Variants in HERC2 observed in about 807,000 individuals in gnomAD.
HERC2 encodes E3 ubiquitin-protein ligase HERC2.
HERC2 carries 102 observed loss-of-function variants against 537.7 expected under a neutral mutation model. That is an observed-to-expected ratio of 0.19 (90% CI 0.16 to 0.22). HERC2 has a LOEUF of 0.22. HERC2 is among the 10% of genes least tolerant of loss of function. The probability of loss-of-function intolerance (pLI) is 1.00; values close to 1 mark genes in which losing one functional copy is unlikely to be tolerated. For synonymous variants in HERC2, 2,224 were observed against 2,466.2 expected (o/e 0.90, Z 2.91); for missense variants, 4,236 against 6,198.2 (o/e 0.68, Z 10.63).
chr15:28,292,230 C>CAAAAAAAAAAAAAAAAAAAAA, intron 4 of HERC2, among the ~76,000 whole-genome samples: 1 of 67,478 alleles, frequency 1.5e-5, no homozygotes, highest in Non-Finnish European at 2.7e-5. Flanking sequence ...ACTCCATCTC[C>CAAAAAAAAAAAAAAAAAAAAA]AAAAAAAAAA....
chr15:28,218,679 A>C lies in HERC2; in HGVS notation c.5846-8T>G. ...TTTCAGTTTGTTCGGCTTCTAAAAAAAATAATCAAAATTACAAATTATATT... is the reference window on the plus strand; with the variant it reads ...TTTCAGTTTGTTCGGCTTCTAAAAACAATAATCAAAATTACAAATTATATT... On this transcript the variant is annotated splice_region_variant and splice_polypyrimidine_tract_variant and intron_variant, in intron 37 of 92. Transcript: ENST00000261609. 1.3e-6 allele frequency: 2 copies of C among 1,567,576 alleles called. No individual in the cohort carries two copies. Among genetic ancestry groups the C allele is most frequent in the Non-Finnish European group, 1.7e-6 (2 of 1,151,734 alleles).
chr15:28,305,996 T>C (rs1596451956), intron 2 of HERC2, among the ~76,000 whole-genome samples: 1 of 152,234 alleles, frequency 6.6e-6, no homozygotes, highest in East Asian at 1.9e-4. Flanking sequence ...TCACACCAGT[T>C]AGAATGGCAA....
At chr15:28,167,852 G>A in intron 67 of HERC2, 25 bp from the exon 68 acceptor site, 1 of 1,581,420 alleles carries the variant, frequency 6.3e-7, no homozygotes, top group South Asian at 1.2e-5. Context: ...CACAGTAGGG[G>A]AAGTTTAAGT....
Position 28,265,359 on chromosome 15 carries a change from A to G in HERC2, c.1870+259T>C, listed in dbSNP as rs1391737411. 1.3e-5 allele frequency among the ~76,000 whole-genome samples: 2 copies of G among 152,168 alleles called. No homozygotes were observed. The highest frequency in any genetic ancestry group is 4.8e-5 in the African/African-American group (2 of 41,448). ...TAACCAGAGACAATTCAGAGTGTCA[A>G]TCATCCCATTTCAACTCTCATTCTT... On this transcript the variant is annotated intron_variant, in intron 14 of 92. Coordinates refer to ENST00000261609, the MANE Select transcript of HERC2 (RefSeq NM_004667.6). The surrounding 1 kb of genome is among the most constrained non-coding windows in gnomAD (Gnocchi z 4.0).
At chr15:28,135,374 G>A in intron 79 of HERC2, 104 bp downstream of exon 79, 1 of 854,442 alleles carries the variant, frequency 1.2e-6, no homozygotes, top group South Asian at 1.6e-5. Flanking sequence ...TGAGAGTATT[G>A]TAAATGTTGC....
At chr15:28,290,830 T>A (rs1445375818) in intron 4 of HERC2, among the ~76,000 whole-genome samples, 1 of 152,214 alleles carries the variant, frequency 6.6e-6, no homozygotes, top group African/African-American at 2.4e-5. Context: ...GAGGGAAATT[T>A]ATATTATAGT....
intron 7 of HERC2, chr15:28,273,225 CTATAT>C (rs2075787035): frequency 1.7e-6 from 1 of 591,256 alleles, no homozygotes; most frequent in Non-Finnish European, 3.0e-6. Flanking sequence ...CACTCAGATA[CTATAT>C]TACAGTAGAT....
intron 75 of HERC2, 76 bp from the exon 76 acceptor site, chr15:28,142,469 C>A (rs1400967811): frequency 7.0e-7 from 1 of 1,423,576 alleles, no homozygotes; most frequent in Admixed American, 2.2e-5. Context: ...GTGGCTCCTT[C>A]CGCAGGACCT....
Position 28,268,393 on chromosome 15 carries a change from G to C in HERC2, c.1598+72C>G, listed in dbSNP as rs2075628229. The stretch of plus-strand genomic sequence containing the variant: ...TTGGAAAACACCTGGACACACTTCT[G>C]CGCTCCATCCTGTTTAGGATATGGC... On this transcript the variant is annotated intron_variant, in intron 12 of 92. Transcript: ENST00000261609. The surrounding 1 kb of genome is among the most constrained non-coding windows in gnomAD (Gnocchi z 4.7). 3 of 1,434,330 alleles carry C rather than the reference G, an allele frequency of 2.1e-6. No homozygotes were observed. The Admixed American group carries it at 5.5e-5, about 26-fold the overall frequency. The allele number at this position is 1,434,330 out of a possible 1,614,324, so 88.9% of individuals were successfully genotyped here. A position where few individuals can be genotyped will look rare whatever the true frequency, so the allele number is the denominator to read the frequency against.
chr15:28,206,615 C>T lies in HERC2; in HGVS notation c.7070-233G>A, dbSNP rs1289476582. Among the ~76,000 whole-genome samples the T allele has an allele frequency of 2.0e-3, 303 of 151,676 alleles. 3 individuals carry two copies. The highest frequency in any genetic ancestry group is 7.0e-3 in the African/African-American group (287 of 41,114). On this transcript the variant is annotated intron_variant, in intron 44 of 92. Transcript: ENST00000261609. Reference sequence around the variant, plus strand: ...TCGGGAGGCCAAGGCGGGTGGATCACAAGGTCAGGATATCAAGACCATCCT... The same window carrying T: ...TCGGGAGGCCAAGGCGGGTGGATCATAAGGTCAGGATATCAAGACCATCCT...
At chr15:28,125,969 G>A (rs1316782625) in intron 83 of HERC2, among the ~76,000 whole-genome samples, 1 of 152,164 alleles carries the variant, frequency 6.6e-6, no homozygotes, top group Non-Finnish European at 1.5e-5. Context: ...GCACCACCAT[G>A]CCCAGCTAAT....
chr15:28,273,873 A>C (rs1039046973), intron 7 of HERC2, among the ~76,000 whole-genome samples: 10 of 152,190 alleles, frequency 6.6e-5, no homozygotes, highest in African/African-American at 1.7e-4. Flanking sequence ...TTTTACACTA[A>C]AAAGATCAGC....
intron 78 of HERC2, among the ~76,000 whole-genome samples, chr15:28,135,933 T>A (rs539585828): frequency 6.6e-6 from 1 of 152,234 alleles, no homozygotes; most frequent in Admixed American, 6.5e-5. Context: ...GAAAATAAGG[T>A]CTTCTTGCTG....
chr15:28,198,239 G>A lies in HERC2; in HGVS notation c.8011+139C>T, dbSNP rs1311170841. 3.2e-6 allele frequency: 3 copies of A among 924,392 alleles called. No homozygotes were observed. The African/African-American group carries it at 5.0e-5, about 16-fold the overall frequency. 57.3% of individuals were successfully genotyped at this position (924,392 alleles called of 1,614,324 possible). A position where few individuals can be genotyped will look rare whatever the true frequency, so the allele number is the denominator to read the frequency against. On this transcript the variant is annotated intron_variant, in intron 50 of 92. Coordinates refer to ENST00000261609, the MANE Select transcript of HERC2 (RefSeq NM_004667.6). ...GTTCCTCTGTGGCCTTTGGCAGAAG[G>A]CACTGACAAGCAAAGGAACACTCTA...
intron 35 of HERC2, among the ~76,000 whole-genome samples, chr15:28,225,274 A>C (rs59649986): frequency 3.4e-5 from 5 of 146,164 alleles, no homozygotes; most frequent in Admixed American, 2.0e-4. Flanking sequence ...AAAACAAAAA[A>C]ATACAAAGCA....
intron 71 of HERC2, 129 bp from the exon 72 acceptor site, chr15:28,144,933 C>T: frequency 8.6e-7 from 1 of 1,165,490 alleles, no homozygotes; most frequent in South Asian, 1.4e-5. Context: ...CAAGCTCTCC[C>T]AAGCCGAAGT....
chr15:28,275,767 A>G (rs1184254041), intron 5 of HERC2, among the ~76,000 whole-genome samples: 1 of 151,958 alleles, frequency 6.6e-6, no homozygotes, highest in African/African-American at 2.4e-5. Context: ...TGCGAGACAG[A>G]GCAAGACTCC....
intron 83 of HERC2, among the ~76,000 whole-genome samples, chr15:28,126,707 G>A (rs559806020): frequency 3.9e-5 from 6 of 152,176 alleles, no homozygotes; most frequent in Non-Finnish European, 8.8e-5. Context: ...TTGGAGACTC[G>A]GGGGAAAGGG....
chr15:28,155,270 G>A (rs1291199717), intron 69 of HERC2, among the ~76,000 whole-genome samples: 1 of 151,896 alleles, frequency 6.6e-6, no homozygotes, highest in African/African-American at 2.4e-5. Context: ...TAATCCTTTG[G>A]GTATATACCC....
Sources: allele counts gnomAD v4.1 joint callset (sites outside exome capture counted in the v4.1 genomes callset), GRCh38; gene constraint gnomAD v4.1.1; non-coding constraint Gnocchi (gnomAD v3.1); transcripts MANE v1.5; gene names NCBI Gene and HGNC (gene_info 2026-07-23, HGNC 2026-07-21).